Variants in CARM1 observed in about 807,000 individuals in gnomAD.
The protein encoded by CARM1 is histone-arginine methyltransferase CARM1.
CARM1 carries 14 observed loss-of-function variants against 72.7 expected under a neutral mutation model. The observed-to-expected ratio is 0.19, with a 90% CI of 0.13 to 0.30. CARM1 has a LOEUF of 0.30. CARM1 is among the 10% of genes least tolerant of loss of function. The pLI is 1.00. For missense variants in CARM1, 432 were observed against 833.7 expected (o/e 0.52, Z 5.93); for synonymous variants, 333 against 345.5 (o/e 0.96, Z 0.40).
intron 1 of CARM1, among the ~76,000 whole-genome samples, chr19:10,882,140 C>T (rs1384753600): frequency 1.3e-5 from 2 of 152,150 alleles, no homozygotes; most frequent in Non-Finnish European, 1.5e-5. Flanking sequence ...ATCTTGACAT[C>T]GTCTACCCTA....
Position 10,915,714 on chromosome 19 carries a change from C to T in CARM1, c.848-693C>T, listed in dbSNP as rs1033712275. Among the ~76,000 whole-genome samples the T allele has an allele frequency of 2.0e-5, 3 of 152,126 alleles. No homozygotes were observed. Among genetic ancestry groups the T allele is most frequent in the African/African-American group, 7.2e-5 (3 of 41,448 alleles). On this transcript the variant is annotated intron_variant, in intron 6 of 15. Transcript: ENST00000327064. This position sits in a 1 kb window ranked among gnomAD's most constrained non-coding sequence, Gnocchi z 4.6. ...CCCCCAGCTTGCAAGGCTGGGGGGC[C>T]CACATCTGGAGGCCAGGTGCTCCTT... is the stretch of plus-strand genomic sequence containing the variant.
rs374931213 is a variant in CARM1, at chr19:10,920,026, G to A, written c.1196+60G>A. 4 of 1,334,372 alleles carry A rather than the reference G, an allele frequency of 3.0e-6. No homozygotes were observed. Among genetic ancestry groups the A allele is most frequent in the South Asian group, 1.2e-5 (1 of 84,604 alleles). 82.7% of individuals were successfully genotyped at this position (1,334,372 alleles called of 1,614,324 possible). A position where few individuals can be genotyped will look rare whatever the true frequency, so the allele number is the denominator to read the frequency against. On this transcript the variant is annotated intron_variant, in intron 10 of 15. Coordinates refer to ENST00000327064, the MANE Select transcript of CARM1 (RefSeq NM_199141.2). This position sits in a 1 kb window ranked among gnomAD's most constrained non-coding sequence, Gnocchi z 5.3. ...CCCACTCCCAGGGCTTCCTGCAGCT[G>A]CAACCTGGCTGGGGGGGTGGAACAT...
At position 10,896,997 on chromosome 19, in the gene CARM1, G is replaced by C. The variant is rs147164829; in HGVS notation, c.221-7954G>C. Reference sequence around the variant, plus strand: ...CTCATTTGTTTACATATTGTCTGCTGCAAGGCAGAATAGAATCATTGTAGC... The same window carrying C: ...CTCATTTGTTTACATATTGTCTGCTCCAAGGCAGAATAGAATCATTGTAGC... On this transcript the variant is annotated intron_variant, in intron 1 of 15. Coordinates refer to ENST00000327064, the MANE Select transcript of CARM1 (RefSeq NM_199141.2). The surrounding 1 kb of genome is among the most constrained non-coding windows in gnomAD (Gnocchi z 5.2). Among the ~76,000 whole-genome samples the C allele has an allele frequency of 3.0e-4, 45 of 152,344 alleles. No individual in the cohort carries two copies. Among genetic ancestry groups the C allele is most frequent in the African/African-American group, 1.1e-3 (44 of 41,580 alleles).
In CARM1 at chr19:10,905,042, C is replaced by T. The variant is rs2074092703; in HGVS notation, c.312C>T (p.Cys104=). 6.2e-7 allele frequency: 1 copy of T among 1,614,170 alleles called. No homozygotes were observed. Among genetic ancestry groups the T allele is most frequent in the East Asian group, 2.2e-5 (1 of 44,884 alleles). ...AGTCCTTCATCATCACCCTGGGCTG[C>T]AACAGCGTCCTCATCCAGTTCGCCA... ...GKQSFIITLG[C]NSVLIQFATP... is the part of the protein sequence containing the mutation. Residue 104 remains cysteine, a synonymous_variant, in exon 2 of 16, where the codon TGC becomes TGT. Transcript: ENST00000327064.
At chr19:10,918,739 A>G (rs2074217598) in intron 8 of CARM1, among the ~76,000 whole-genome samples, 1 of 152,082 alleles carries the variant, frequency 6.6e-6, no homozygotes, top group Non-Finnish European at 1.5e-5. Flanking sequence ...CCACCCAAGG[A>G]AGCTGCTGAA....
At chr19:10,921,253 GCTCTCGGCCGAGGCTCTCCGTC>G (rs2074244539) in intron 14 of CARM1, 100 bp from the exon 15 acceptor site, 2 of 1,426,142 alleles carry the variant, frequency 1.4e-6, no homozygotes, top group Non-Finnish European at 9.8e-7. Flanking sequence ...CTTCCTGGGG[GCTCTCGGCCGAGGCTCTCCGTC>G]CTCTCTGCCT....
intron 1 of CARM1, among the ~76,000 whole-genome samples, chr19:10,890,258 T>TTG (rs1045383111): frequency 2.4e-4 from 33 of 138,942 alleles, no homozygotes; most frequent in African/African-American, 8.1e-4. Context: ...TTTTTGTTTT[T>TTG]TGTTTTGTTT....
chr19:10,897,493 C>T (rs2074032774), intron 1 of CARM1, among the ~76,000 whole-genome samples: 1 of 152,156 alleles, frequency 6.6e-6, no homozygotes, highest in African/African-American at 2.4e-5. Flanking sequence ...TACCCCCTTC[C>T]CTGCAGTTCC....
intron 1 of CARM1, among the ~76,000 whole-genome samples, chr19:10,892,501 G>A (rs768517012): frequency 2.6e-5 from 4 of 152,232 alleles, no homozygotes; most frequent in Non-Finnish European, 4.4e-5. Flanking sequence ...GAGCTTCTCC[G>A]AGGACGACAT....
At chr19:10,900,831 C>T (rs532376148) in intron 1 of CARM1, among the ~76,000 whole-genome samples, 2 of 151,928 alleles carry the variant, frequency 1.3e-5, no homozygotes, top group East Asian at 3.9e-4. Context: ...CTACAGGCAC[C>T]CGTCACCACA....
At chr19:10,879,514 T>C (rs1329992235) in intron 1 of CARM1, among the ~76,000 whole-genome samples, 1 of 152,128 alleles carries the variant, frequency 6.6e-6, no homozygotes, top group Non-Finnish European at 1.5e-5. Flanking sequence ...GGTGCTCCAG[T>C]GGGCCAGGGC....
chr19:10,885,619 C>T (rs1417287088), intron 1 of CARM1, among the ~76,000 whole-genome samples: 1 of 152,202 alleles, frequency 6.6e-6, no homozygotes, highest in Non-Finnish European at 1.5e-5. Flanking sequence ...ACTGGGGTGC[C>T]TCTTGCAGAC....
At chr19:10,909,922 A>T (rs937839862) in intron 4 of CARM1, among the ~76,000 whole-genome samples, 1 of 152,006 alleles carries the variant, frequency 6.6e-6, no homozygotes, top group Admixed American at 6.6e-5. Flanking sequence ...ATCAGCGTAT[A>T]TTTTACAATT....
rs373813302 is a variant in CARM1 at position 10,920,760 on chromosome 19, C to T, written c.1424+12C>T. 3.4e-4 allele frequency: 546 copies of T among 1,613,968 alleles called. 1 individual carries two copies. The highest frequency in any genetic ancestry group is 7.5e-4 in the Admixed American group (45 of 60,018). The stretch of plus-strand genomic sequence containing the variant: ...AACCCCTTCTTTAGGTAGGAGGGGC[C>T]CCTTGCCTGCACAGGGGGGCGCCCC... On this transcript the variant is annotated intron_variant, in intron 12 of 15. Coordinates refer to ENST00000327064, the MANE Select transcript of CARM1 (RefSeq NM_199141.2). The surrounding 1 kb of genome is among the most constrained non-coding windows in gnomAD (Gnocchi z 5.3).
At chr19:10,911,641 A>G (rs1218831632) in intron 4 of CARM1, among the ~76,000 whole-genome samples, 1 of 152,176 alleles carries the variant, frequency 6.6e-6, no homozygotes, top group South Asian at 2.1e-4. Flanking sequence ...TGTGGAAGCA[A>G]TCCCACAAAT....
chr19:10,903,382 G>A (rs1259267686), intron 1 of CARM1, among the ~76,000 whole-genome samples: 1 of 152,122 alleles, frequency 6.6e-6, no homozygotes, highest in Non-Finnish European at 1.5e-5. Context: ...CACTCATGTT[G>A]TTGTTGTTAT....
Position 10,912,116 on chromosome 19 carries a change from T to A in CARM1, c.559-68T>A. The A allele has an allele frequency of 1.8e-6, 2 of 1,098,018 alleles. No individual in the cohort carries two copies. Among genetic ancestry groups the A allele is most frequent in the Non-Finnish European group, 2.8e-6 (2 of 708,614 alleles). The allele number at this position is 1,098,018 out of a possible 1,614,324, so 68.0% of individuals were successfully genotyped here. On this transcript the variant is annotated intron_variant, in intron 4 of 15. Coordinates refer to ENST00000327064, the MANE Select transcript of CARM1 (RefSeq NM_199141.2). The surrounding 1 kb of genome is among the most constrained non-coding windows in gnomAD (Gnocchi z 4.5). ...CGCCTCATGATGTGCACATCCCTTATGATCACTGTCACCTCCCCATCACCG... is the reference window on the plus strand; with the variant it reads ...CGCCTCATGATGTGCACATCCCTTAAGATCACTGTCACCTCCCCATCACCG...
intron 1 of CARM1, among the ~76,000 whole-genome samples, chr19:10,872,258 C>T (rs2073824670): frequency 9.0e-6 from 1 of 111,622 alleles, no homozygotes; most frequent in African/African-American, 3.5e-5. Flanking sequence ...GCGTGGTGGG[C>T]TTAAGCGTGG....
chr19:10,917,421 G>T (rs1172955947), intron 8 of CARM1, among the ~76,000 whole-genome samples: 1 of 152,028 alleles, frequency 6.6e-6, no homozygotes, highest in Non-Finnish European at 1.5e-5. Context: ...AGCTTGCAGT[G>T]AGCCGAGATC....
Sources: allele counts gnomAD v4.1 joint callset (sites outside exome capture counted in the v4.1 genomes callset), GRCh38; gene constraint gnomAD v4.1.1; non-coding constraint Gnocchi (gnomAD v3.1); transcripts MANE v1.5; gene names NCBI Gene and HGNC (gene_info 2026-07-23, HGNC 2026-07-21).